Variants in C10orf90 observed in about 807,000 individuals in gnomAD.
The protein encoded by C10orf90 is (E2-independent) E3 ubiquitin-conjugating enzyme FATS.
Under a neutral mutation model 62.5 loss-of-function variants are expected in C10orf90, and 56 were observed. That is an observed-to-expected ratio of 0.90 (90% CI 0.72 to 1.12). The LOEUF is 1.12. C10orf90 is among the 50% of genes most tolerant of loss of function. The probability of loss-of-function intolerance (pLI) is 0.00; values close to 1 mark genes in which losing one functional copy is unlikely to be tolerated. For missense variants in C10orf90, 970 were observed against 880.4 expected (o/e 1.10, Z -1.29); for synonymous variants, 386 against 340.4 (o/e 1.13, Z -1.47).
chr10:126,547,452 A>C (rs1221910293), intron 2 of C10orf90, among the ~76,000 whole-genome samples: 1 of 151,036 alleles, frequency 6.6e-6, no homozygotes, highest in Non-Finnish European at 1.5e-5. Context: ...AAGAAAGAAA[A>C]TCATTCGTTC....
At chr10:126,578,385 T>C (rs114045040) in intron 2 of C10orf90, among the ~76,000 whole-genome samples, 3,727 of 152,268 alleles carry the variant, frequency 0.024, 143 homozygotes, top group African/African-American at 0.084. Context: ...GGAAATGTTC[T>C]CAACCACATT....
At chr10:126,608,232 C>G (rs549730356) in intron 2 of C10orf90, among the ~76,000 whole-genome samples, 72 of 152,306 alleles carry the variant, frequency 4.7e-4, no homozygotes, top group African/African-American at 1.7e-3. Context: ...TCTCAGCCTC[C>G]CAAATAGCTA....
intron 2 of C10orf90, among the ~76,000 whole-genome samples, chr10:126,621,626 G>A (rs1302377198): frequency 6.6e-6 from 1 of 151,964 alleles, no homozygotes; most frequent in Non-Finnish European, 1.5e-5. Context: ...TTATGATAAT[G>A]ATGACATATG....
At chr10:126,545,870 A>G (rs1864478599) in intron 2 of C10orf90, among the ~76,000 whole-genome samples, 1 of 152,074 alleles carries the variant, frequency 6.6e-6, no homozygotes, top group South Asian at 2.1e-4. Flanking sequence ...TCTTCAACTA[A>G]ATACCACTGA....
At chr10:126,515,654 T>C (rs1019756817) in intron 2 of C10orf90, among the ~76,000 whole-genome samples, 3 of 152,152 alleles carry the variant, frequency 2.0e-5, no homozygotes, top group African/African-American at 7.2e-5. Flanking sequence ...TCAGAACATA[T>C]CCCCATCCTG....
intron 2 of C10orf90, among the ~76,000 whole-genome samples, chr10:126,578,427 A>C (rs11245051): frequency 0.59 from 89,249 of 151,992 alleles, 26,499 homozygotes; most frequent in African/African-American, 0.66. Context: ...TAAAACCACT[A>C]TCAGAAACCA....
intron 2 of C10orf90, among the ~76,000 whole-genome samples, chr10:126,604,853 A>G (rs1395168423): frequency 1.3e-5 from 2 of 152,232 alleles, no homozygotes; most frequent in Non-Finnish European, 2.9e-5. Flanking sequence ...AATAGGGCAC[A>G]AGAGGTATAT....
At chr10:126,520,076 C>T (rs1006035284) in intron 2 of C10orf90, 1 of 152,332 alleles carries the variant, frequency 6.6e-6, no homozygotes, top group African/African-American at 2.4e-5. Flanking sequence ...CCCCACCCTC[C>T]TGTTGCCCTC....
chr10:126,584,440 C>CCCT (rs918760905), intron 2 of C10orf90, among the ~76,000 whole-genome samples: 1 of 152,118 alleles, frequency 6.6e-6, no homozygotes, highest in Admixed American at 6.5e-5. Flanking sequence ...GTCCATCCAT[C>CCCT]CCTCTGTCTA....
rs1859597388 is a variant in C10orf90, at chr10:126,456,565, T to C, written c.2188+2475A>G. ...CCACAGTTGAATGATATAATGAGTG[T>C]AATGATGTCGCCCCAACAAAAAGAT... On this transcript the variant is annotated intron_variant, in intron 7 of 9. Coordinates refer to ENST00000488181, the MANE Select transcript of C10orf90 (RefSeq NM_001350921.2). The surrounding 1 kb of genome is among the most constrained non-coding windows in gnomAD (Gnocchi z 4.9). 1.3e-5 allele frequency among the ~76,000 whole-genome samples: 2 copies of C among 152,234 alleles called. No homozygotes were observed. Among genetic ancestry groups the C allele is most frequent in the Non-Finnish European group, 2.9e-5 (2 of 68,042 alleles).
At chr10:126,433,107 A>G (rs1215519071) in intron 7 of C10orf90, among the ~76,000 whole-genome samples, 1 of 152,136 alleles carries the variant, frequency 6.6e-6, no homozygotes, top group Non-Finnish European at 1.5e-5. Flanking sequence ...GGACTCTTCT[A>G]CCCTGTACAG....
chr10:126,662,314 G>A (rs1846532497), intron 1 of C10orf90, among the ~76,000 whole-genome samples: 1 of 152,116 alleles, frequency 6.6e-6, no homozygotes, highest in South Asian at 2.1e-4. Context: ...GGACCCGAAT[G>A]ATTCATGGCT....
intron 7 of C10orf90, among the ~76,000 whole-genome samples, chr10:126,431,719 A>G (rs1857582586): frequency 1.3e-5 from 2 of 151,994 alleles, no homozygotes; most frequent in Non-Finnish European, 2.9e-5. Flanking sequence ...CATTACCAAT[A>G]CCCTTTGTAA....
At chr10:126,555,717 TAAAA>T (rs1356825478) in intron 2 of C10orf90, among the ~76,000 whole-genome samples, 7 of 148,632 alleles carry the variant, frequency 4.7e-5, no homozygotes, top group Admixed American at 3.4e-4. Context: ...AATAAATAAA[TAAAA>T]ATTAAATAAA....
At chr10:126,475,840 GT>G (rs1860827120) in intron 4 of C10orf90, among the ~76,000 whole-genome samples, 1 of 152,238 alleles carries the variant, frequency 6.6e-6, no homozygotes, top group South Asian at 2.1e-4. Context: ...AAAATCAGAG[GT>G]TTTATATTAC....
At chr10:126,555,246 GGCTTT>G in intron 2 of C10orf90, among the ~76,000 whole-genome samples, 1 of 152,176 alleles carries the variant, frequency 6.6e-6, no homozygotes, top group Non-Finnish European at 1.5e-5. Context: ...AAATGGATTG[GGCTTT>G]GGTAGCAGAG....
At chr10:126,620,508 G>A (rs1845624612) in intron 2 of C10orf90, among the ~76,000 whole-genome samples, 1 of 152,036 alleles carries the variant, frequency 6.6e-6, no homozygotes, top group African/African-American at 2.4e-5. Flanking sequence ...TTCATCCTTA[G>A]GACACAGTCT....
At position 126,604,087 on chromosome 10, in the gene C10orf90, G is replaced by C. The variant is rs567238497; in HGVS notation, c.313+42478C>G. 4.6e-5 allele frequency among the ~76,000 whole-genome samples: 7 copies of C among 152,338 alleles called. No individual in the cohort carries two copies. In the South Asian group the frequency reaches 1.5e-3, roughly 32 times the overall value. On this transcript the variant is annotated intron_variant, in intron 2 of 9. Transcript: ENST00000488181. Reference sequence around the variant, plus strand: ...CAAAGTGTGGCTTTTCCTGCATGCAGTTCCTGCCCGGAGGCTTCCCTTCCA... The same window carrying C: ...CAAAGTGTGGCTTTTCCTGCATGCACTTCCTGCCCGGAGGCTTCCCTTCCA...
intron 2 of C10orf90, among the ~76,000 whole-genome samples, chr10:126,584,581 C>T (rs137993991): frequency 9.9e-5 from 15 of 152,174 alleles, no homozygotes; most frequent in African/African-American, 3.4e-4. Context: ...CGAATGAAGC[C>T]AGCCTGGCCT....
Sources: allele counts gnomAD v4.1 joint callset (sites outside exome capture counted in the v4.1 genomes callset), GRCh38; gene constraint gnomAD v4.1.1; non-coding constraint Gnocchi (gnomAD v3.1); transcripts MANE v1.5; gene names NCBI Gene and HGNC (gene_info 2026-07-23, HGNC 2026-07-21).